The following ATP10B variants were observed in gnomAD, a reference collection of about 807,000 sequenced individuals.
ATP10B encodes the protein ATPase phospholipid transporting 10B (putative).
A neutral mutation model predicts 141.2 loss-of-function variants in ATP10B; 122 were observed. The observed-to-expected ratio is 0.86, with a 90% CI of 0.75 to 1.00. The LOEUF (loss-of-function observed/expected upper bound fraction) is 1.00. Among genes scored for constraint, ATP10B ranks in the 50% least tolerant of loss-of-function variants. The probability of loss-of-function intolerance (pLI) is 0.00; values close to 1 mark genes in which losing one functional copy is unlikely to be tolerated. For missense variants in ATP10B, 1,876 were observed against 1,825.3 expected (o/e 1.03, Z -0.51); for synonymous variants, 685 against 692.0 (o/e 0.99, Z 0.16).
intron 2 of ATP10B, among the ~76,000 whole-genome samples, chr5:160,782,177 A>T (rs1770760833): frequency 6.6e-6 from 1 of 152,156 alleles, no homozygotes; most frequent in African/African-American, 2.4e-5. Context: ...AAAAATGTTG[A>T]AACGCAGTAA....
At chr5:160,615,309 T>G (rs540698667) in intron 17 of ATP10B, among the ~76,000 whole-genome samples, 2 of 152,018 alleles carry the variant, frequency 1.3e-5, no homozygotes, top group South Asian at 4.2e-4. Context: ...TCTTCTTGCT[T>G]TCAGTTCACT....
chr5:160,822,832 T>TA (rs1245146290), intron 1 of ATP10B, among the ~76,000 whole-genome samples: 4 of 150,966 alleles, frequency 2.6e-5, no homozygotes, highest in Non-Finnish European at 5.9e-5. Context: ...CTCATGGAGA[T>TA]AGAGAGTAAA....
the ATP10B span, among the ~76,000 whole-genome samples, chr5:160,900,145 C>T: frequency 6.6e-5 from 10 of 152,176 alleles, no homozygotes; most frequent in East Asian, 3.8e-4. Flanking sequence ...CCTGATCCTG[C>T]GCCTTCCATC....
chr5:160,924,082 C>T, the ATP10B span, among the ~76,000 whole-genome samples: 1 of 152,222 alleles, frequency 6.6e-6, no homozygotes, highest in African/African-American at 2.4e-5. Context: ...AACAAACAGG[C>T]TCCACCAGCT....
intron 7 of ATP10B, among the ~76,000 whole-genome samples, chr5:160,652,723 AAT>A (rs1760853218): frequency 8.2e-6 from 1 of 121,952 alleles, no homozygotes; most frequent in African/African-American, 3.2e-5. Context: ...ATTTATATAT[AAT>A]ATATACATAT....
intron 7 of ATP10B, among the ~76,000 whole-genome samples, chr5:160,657,730 C>A (rs1481785202): frequency 6.6e-6 from 1 of 152,178 alleles, no homozygotes; most frequent in Admixed American, 6.5e-5. Flanking sequence ...TAATTGTTGG[C>A]AAAATTGTTA....
intron 24 of ATP10B, among the ~76,000 whole-genome samples, chr5:160,587,707 C>T (rs1015209121): frequency 2.0e-5 from 3 of 152,176 alleles, no homozygotes; most frequent in Non-Finnish European, 4.4e-5. Flanking sequence ...ATTGGAAGTA[C>T]ATTCATGATT....
At chr5:160,777,441 G>A (rs911434289) in intron 2 of ATP10B, among the ~76,000 whole-genome samples, 1 of 152,190 alleles carries the variant, frequency 6.6e-6, no homozygotes, top group Non-Finnish European at 1.5e-5. Context: ...CAGCTGCACT[G>A]GGAAATCCAA....
At chr5:160,774,827 G>A (rs1434942722) in intron 2 of ATP10B, among the ~76,000 whole-genome samples, 1 of 152,086 alleles carries the variant, frequency 6.6e-6, no homozygotes, top group African/African-American at 2.4e-5. Context: ...TTCTGCAGGG[G>A]GCCTCTCTTT....
intron 2 of ATP10B, among the ~76,000 whole-genome samples, chr5:160,775,529 C>T (rs1770234720): frequency 6.6e-6 from 1 of 152,104 alleles, no homozygotes; most frequent in African/African-American, 2.4e-5. Context: ...ACTTTTTGTT[C>T]TATCTCCAAT....
rs191976128 is a variant in ATP10B, at chr5:160,826,570, T to C, written c.-576+25371A>G. 6.8e-4 allele frequency among the ~76,000 whole-genome samples: 104 copies of C among 152,136 alleles called. No homozygotes were observed. The South Asian group carries it at 0.018, about 26-fold the overall frequency. On this transcript the variant is annotated intron_variant, in intron 1 of 25. Transcript: ENST00000327245. The stretch of plus-strand genomic sequence containing the variant: ...CAGTGCACCTTGAAAAAGAACAGAA[T>C]AACAGCGATTTTTAGCGAGGGAAGA...
chr5:160,744,195 T>C (rs1027251956), intron 2 of ATP10B, among the ~76,000 whole-genome samples: 15 of 152,152 alleles, frequency 9.9e-5, no homozygotes, highest in African/African-American at 3.4e-4. Context: ...AGCAGTGCCT[T>C]TGCAAATCTG....
At chr5:160,671,437 A>C (rs1267617853) in intron 6 of ATP10B, among the ~76,000 whole-genome samples, 1 of 152,138 alleles carries the variant, frequency 6.6e-6, no homozygotes, top group South Asian at 2.1e-4. Context: ...GTTTTTGATT[A>C]TAAGGAGAGT....
chr5:160,745,825 A>C (rs931566394), intron 2 of ATP10B, among the ~76,000 whole-genome samples: 17 of 152,226 alleles, frequency 1.1e-4, no homozygotes, highest in Admixed American at 1.1e-3. Flanking sequence ...ACAGCTCATG[A>C]CCAAAGGTTG....
chr5:160,618,974 A>G (rs1758175101), intron 15 of ATP10B, among the ~76,000 whole-genome samples: 2 of 152,212 alleles, frequency 1.3e-5, no homozygotes, highest in South Asian at 4.1e-4. Context: ...GAAGTCCAAC[A>G]AAACTCTGAT....
chr5:160,868,164 T>C, the ATP10B span, among the ~76,000 whole-genome samples: 35 of 152,172 alleles, frequency 2.3e-4, no homozygotes, highest in African/African-American at 8.0e-4. Flanking sequence ...CTAGAGAAGC[T>C]GCCAGACTAC....
intron 2 of ATP10B, among the ~76,000 whole-genome samples, chr5:160,781,921 A>G (rs1467558265): frequency 6.6e-6 from 1 of 152,206 alleles, no homozygotes; most frequent in Non-Finnish European, 1.5e-5. Flanking sequence ...CCTGCTCCTT[A>G]TACAATACTT....
At chr5:160,657,092 G>C (rs1209653860) in intron 7 of ATP10B, among the ~76,000 whole-genome samples, 1 of 152,152 alleles carries the variant, frequency 6.6e-6, no homozygotes, top group Non-Finnish European at 1.5e-5. Context: ...CAAGGAATAG[G>C]GGTTACAGGG....
the ATP10B span, among the ~76,000 whole-genome samples, chr5:160,922,730 T>C: frequency 6.6e-6 from 1 of 152,214 alleles, no homozygotes. Context: ...TCAGTGAATA[T>C]ATCTTTGAGC....
Sources: allele counts gnomAD v4.1 joint callset (sites outside exome capture counted in the v4.1 genomes callset), GRCh38; gene constraint gnomAD v4.1.1; transcripts MANE v1.5; gene names NCBI Gene and HGNC (gene_info 2026-07-23, HGNC 2026-07-21).